BOLL: variants seen among roughly 807,000 people sequenced by gnomAD.
BOLL encodes protein boule-like.
A neutral mutation model predicts 44.4 loss-of-function variants in BOLL; 23 were observed. The observed-to-expected ratio is 0.52, with a 90% confidence interval of 0.37 to 0.73. The LOEUF (loss-of-function observed/expected upper bound fraction) is 0.73. Among genes scored for constraint, BOLL ranks in the 30% least tolerant of loss-of-function variants. The pLI is 0.00. For synonymous variants in BOLL, 97 were observed against 110.8 expected (o/e 0.88, Z 0.78); for missense variants, 287 against 338.3 (o/e 0.85, Z 1.19).
upstream of BOLL, among the ~76,000 whole-genome samples, chr2:197,785,734 C>T (rs1321167717): frequency 6.6e-6 from 1 of 152,202 alleles, no homozygotes; most frequent in Non-Finnish European, 1.5e-5. The surrounding 1 kb of genome is among the most constrained non-coding windows in gnomAD (Gnocchi z 6.7). Context: ...GCCTGAGGTC[C>T]CCTGGCCCGT....
chr2:197,739,282 T>C (rs1178071399), intron 10 of BOLL, among the ~76,000 whole-genome samples: 1 of 152,150 alleles, frequency 6.6e-6, no homozygotes, highest in African/African-American at 2.4e-5. Context: ...TTTAGAGATA[T>C]ACATGGTTTC....
chr2:197,758,717 A>G lies in BOLL; in HGVS notation c.553-1317T>C, dbSNP rs574721844. 2.6e-5 allele frequency among the ~76,000 whole-genome samples: 4 copies of G among 152,322 alleles called. No homozygotes were observed. The South Asian group carries it at 8.3e-4, about 32-fold the overall frequency. On this transcript the variant is annotated intron_variant, in intron 7 of 10. Transcript: ENST00000392296. ...TTCACTTATCCCCAATTTCTCACTAAAATTAATGAAGAGTGCTGGTTAACT... is the reference window on the plus strand; with the variant it reads ...TTCACTTATCCCCAATTTCTCACTAGAATTAATGAAGAGTGCTGGTTAACT...
chr2:197,753,326 A>G lies in BOLL; in HGVS notation c.729+3102T>C, dbSNP rs181556835. Among the ~76,000 whole-genome samples, 1,094 of 152,332 alleles carry G rather than the reference A, an allele frequency of 7.2e-3. 9 individuals are homozygous for G. The highest frequency in any genetic ancestry group is 0.014 in the South Asian group (67 of 4,834). On this transcript the variant is annotated intron_variant, in intron 9 of 10. Transcript: ENST00000392296. ...GACTAAAGAGCTTCTGAACAGCAAAAGAAACTATCATCAGAGTGAACAGGC... is the reference window on the plus strand; with the variant it reads ...GACTAAAGAGCTTCTGAACAGCAAAGGAAACTATCATCAGAGTGAACAGGC...
intron 7 of BOLL, among the ~76,000 whole-genome samples, chr2:197,762,130 G>A (rs1290908700): frequency 6.6e-6 from 1 of 152,170 alleles, no homozygotes; most frequent in Non-Finnish European, 1.5e-5. Context: ...CAGATCACAA[G>A]GTCAGGAGTT....
chr2:197,771,773 G>C, intron 6 of BOLL, 82 bp downstream of exon 6: 3 of 1,358,712 alleles, frequency 2.2e-6, no homozygotes, highest in Non-Finnish European at 3.0e-6. Context: ...ATTATCTGTG[G>C]TTAAGATATT....
intron 10 of BOLL, among the ~76,000 whole-genome samples, chr2:197,734,607 C>T (rs1409808987): frequency 6.6e-6 from 1 of 152,160 alleles, no homozygotes; most frequent in Non-Finnish European, 1.5e-5. Context: ...GGCAGATATA[C>T]ACCATGGAAT....
At chr2:197,766,787 C>T (rs189230211) in intron 6 of BOLL, among the ~76,000 whole-genome samples, 184 bp from the exon 7 acceptor site, 1 of 152,122 alleles carries the variant, frequency 6.6e-6, no homozygotes, top group Non-Finnish European at 1.5e-5. Flanking sequence ...CACAATATTT[C>T]TACTTCTACG....
Position 197,771,896 on chromosome 2 carries a change from A to T in BOLL, c.439T>A (p.Phe147Ile). Residue 147 changes from phenylalanine to isoleucine, a missense_variant, in exon 6 of 11, where the codon TTT becomes ATT. Phe to Ile is a conservative substitution (Grantham distance 21, BLOSUM62 0). Coordinates refer to ENST00000392296, the MANE Select transcript of BOLL (RefSeq NM_033030.6). ...ACCGAAGTTACCTCTGGAGTATGAA[A>T]ATAAGCAACACCATTATGGTAAGTA... is the stretch of plus-strand genomic sequence containing the variant. ...PYTYHNGVAY[F>I]HTPEVTSVPP... 1 of 1,598,978 alleles carries T rather than the reference A, an allele frequency of 6.3e-7. No homozygotes were observed.
intron 10 of BOLL, among the ~76,000 whole-genome samples, chr2:197,741,519 C>A (rs1361824268): frequency 6.6e-6 from 1 of 152,194 alleles, no homozygotes; most frequent in East Asian, 1.9e-4. Flanking sequence ...ATATCTACAA[C>A]TATCTGATCT....
At chr2:197,777,652 ATC>A (rs1429409424) in intron 3 of BOLL, among the ~76,000 whole-genome samples, 4 of 152,010 alleles carry the variant, frequency 2.6e-5, no homozygotes, top group Admixed American at 1.3e-4. Context: ...CAGATTTCAC[ATC>A]TGTTTTTCAT....
chr2:197,764,019 T>C (rs1688879381), intron 7 of BOLL, among the ~76,000 whole-genome samples: 1 of 152,168 alleles, frequency 6.6e-6, no homozygotes. Flanking sequence ...GGATGTTTAT[T>C]GTCAAAAAGA....
intron 10 of BOLL, among the ~76,000 whole-genome samples, chr2:197,730,608 G>A (rs1437562081): frequency 6.7e-5 from 10 of 148,936 alleles, no homozygotes; most frequent in Non-Finnish European, 1.3e-4. Flanking sequence ...GACTAACAGC[G>A]GATCTCTCGG....
upstream of BOLL, chr2:197,785,397 T>G (rs1446837587): frequency 6.1e-6 from 6 of 985,202 alleles, no homozygotes; most frequent in Non-Finnish European, 7.2e-6. This position sits in a 1 kb window ranked among gnomAD's most constrained non-coding sequence, Gnocchi z 6.7. Flanking sequence ...ACGTTGCCGC[T>G]GCGCCTCGGG....
At chr2:197,729,021 C>G (rs559749945) in intron 10 of BOLL, among the ~76,000 whole-genome samples, 1 of 152,178 alleles carries the variant, frequency 6.6e-6, no homozygotes, top group Admixed American at 6.6e-5. Context: ...CCAGCGTGAG[C>G]GACGCAGAAG....
intron 10 of BOLL, among the ~76,000 whole-genome samples, chr2:197,741,818 T>G (rs1368271731): frequency 6.6e-6 from 1 of 152,110 alleles, no homozygotes; most frequent in Non-Finnish European, 1.5e-5. Flanking sequence ...AAATGGGATC[T>G]AATTAAACTA....
chr2:197,771,341 C>G (rs1689245239), intron 6 of BOLL, among the ~76,000 whole-genome samples: 1 of 111,656 alleles, frequency 9.0e-6, no homozygotes, highest in South Asian at 2.8e-4. Flanking sequence ...ACACCAGGGC[C>G]TGTTGTGGGG....
At position 197,771,945 on chromosome 2, in the gene BOLL, T is replaced by C; in HGVS notation, c.390A>G (p.Leu130=). The change falls in exon 6 of 11, where the codon CTA becomes CTG. Residue 130 remains leucine (L), a synonymous_variant. Coordinates refer to ENST00000392296, the MANE Select transcript of BOLL (RefSeq NM_033030.6). ...TATAAGGATATCCAGTTGAAGTTGT[T>C]AGATACATTGTTCCAGCTGCTGGCA... ...SIMPAAGTMY[L]TTSTGYPYTY... is the part of the protein sequence containing the mutation. 1 of 1,594,562 alleles carries C rather than the reference T, an allele frequency of 6.3e-7. No individual in the cohort carries two copies. The highest frequency in any genetic ancestry group is 1.7e-5 in the Admixed American group (1 of 58,972).
Position 197,728,478 on chromosome 2 carries a change from G to T in BOLL, c.*77C>A, listed in dbSNP as rs753905744. 6.2e-7 allele frequency: 1 copy of T among 1,610,978 alleles called. No homozygotes were observed. On this transcript the variant is annotated 3_prime_UTR_variant, in exon 11 of 11. Coordinates refer to ENST00000392296, the MANE Select transcript of BOLL (RefSeq NM_033030.6). ...ACAACGGGCAGCTTCTAGCTGGTTCGTTGAAGCTGGATCTCGGCCACGCAA... is the reference window on the plus strand; with the variant it reads ...ACAACGGGCAGCTTCTAGCTGGTTCTTTGAAGCTGGATCTCGGCCACGCAA...
chr2:197,761,686 A>C (rs1361299350), intron 7 of BOLL, among the ~76,000 whole-genome samples: 3 of 152,188 alleles, frequency 2.0e-5, no homozygotes, highest in African/African-American at 7.2e-5. Flanking sequence ...AAGAGACCCA[A>C]CTATATGCTA....
Sources: allele counts gnomAD v4.1 joint callset (sites outside exome capture counted in the v4.1 genomes callset), GRCh38; gene constraint gnomAD v4.1.1; non-coding constraint Gnocchi (gnomAD v3.1); transcripts MANE v1.5; gene names NCBI Gene and HGNC (gene_info 2026-07-23, HGNC 2026-07-21).